ARHGAP8: variants seen among roughly 807,000 people sequenced by gnomAD.
ARHGAP8 encodes the protein rho GTPase-activating protein 8.
In ARHGAP8, 62 loss-of-function variants were observed where a neutral mutation model predicts 46.1. The ratio of observed to expected loss-of-function variants is 1.34; its 90% CI spans 1.10 to 1.66. The LOEUF (loss-of-function observed/expected upper bound fraction) is 1.66, where lower values mean the gene tolerates loss of function less well. Ranked by LOEUF, ARHGAP8 falls within the 40% of genes most tolerant of loss-of-function variation. The pLI is 0.00. For synonymous variants in ARHGAP8, 375 were observed against 243.1 expected, an observed-to-expected ratio of 1.54 and a Z score of -5.05; for missense variants, 923 against 568.4, an observed-to-expected ratio of 1.62 and a Z score of -6.34.
chr22:44,839,247 A>G (rs1931490442), intron 7 of ARHGAP8, among the ~76,000 whole-genome samples: 1 of 152,152 alleles, frequency 6.6e-6, no homozygotes, highest in Non-Finnish European at 1.5e-5. Flanking sequence ...GTATTCCTGC[A>G]ACAGCAGGAC....
intron 4 of ARHGAP8, among the ~76,000 whole-genome samples, chr22:44,813,640 TACACAC>T (rs960958417): frequency 6.6e-6 from 1 of 150,798 alleles, no homozygotes; most frequent in African/African-American, 2.4e-5. Context: ...TACACACACC[TACACAC>T]ACACCCACAC....
At chr22:44,858,300 CACATGTGCAT>C (rs974399942) in intron 10 of ARHGAP8, among the ~76,000 whole-genome samples, 1 of 151,078 alleles carries the variant, frequency 6.6e-6, no homozygotes, top group Non-Finnish European at 1.5e-5. Flanking sequence ...GCTGAGTGCA[CACATGTGCAT>C]ACATGTTCAC....
At chr22:44,782,911 G>A (rs554159656) in intron 1 of ARHGAP8, among the ~76,000 whole-genome samples, 24 of 152,264 alleles carry the variant, frequency 1.6e-4, no homozygotes, top group South Asian at 4.2e-4. Flanking sequence ...TCCACGGCAC[G>A]CTTTAGCACT....
At chr22:44,812,343 CTT>C (rs530097460) in intron 4 of ARHGAP8, among the ~76,000 whole-genome samples, 17 of 134,186 alleles carry the variant, frequency 1.3e-4, no homozygotes, top group Admixed American at 2.3e-4. Context: ...CTCTCAGAGC[CTT>C]TTTTTTTTTT....
intron 11 of ARHGAP8, 122 bp from the exon 12 acceptor site, chr22:44,862,153 C>T (rs897060986): frequency 1.6e-6 from 2 of 1,219,320 alleles, no homozygotes; most frequent in South Asian, 2.0e-5. Flanking sequence ...TTACTGGCTG[C>T]CGGCTCCCAG....
chr22:44,837,670 A>C (rs185295981), intron 7 of ARHGAP8, among the ~76,000 whole-genome samples: 22 of 152,254 alleles, frequency 1.4e-4, no homozygotes, highest in Admixed American at 5.9e-4. Context: ...AGTCCATTGA[A>C]CAAGCCTCTC....
Position 44,854,237 on chromosome 22 carries a change from C to CTT in ARHGAP8, c.877+5193_877+5194dup, listed in dbSNP as rs35201093. On this transcript the variant is annotated intron_variant, in intron 10 of 11. Coordinates refer to ENST00000356099, the MANE Select transcript of ARHGAP8 (RefSeq NM_181335.3). ...TCATTTCAAGGAATTCCCCTTGTAT[C>CTT]TTTTTTTTTTTTTTTTTGAGACGGA... Among the ~76,000 whole-genome samples the CTT allele has an allele frequency of 5.5e-3, 720 of 130,392 alleles. 9 individuals are homozygous for CTT. The highest frequency in any genetic ancestry group is 0.014 in the African/African-American group (492 of 35,560). 85.5% of individuals were successfully genotyped at this position (130,392 alleles called of 152,430 possible).
Position 44,808,302 on chromosome 22 carries a change from C to A in ARHGAP8, c.168-5C>A, listed in dbSNP as rs1929073997. The A allele has an allele frequency of 1.2e-6, 2 of 1,611,038 alleles. No homozygotes were observed. The highest frequency in any genetic ancestry group is 1.1e-5 in the South Asian group (1 of 90,686). ...TCATAACTGAATCTTCTGTGTTGTG[C>A]CCAGGTATTTGAAGTACACACTGGA... On this transcript the variant is annotated splice_polypyrimidine_tract_variant and splice_region_variant and intron_variant, in intron 3 of 11. Coordinates refer to ENST00000356099, the MANE Select transcript of ARHGAP8 (RefSeq NM_181335.3).
intron 1 of ARHGAP8, among the ~76,000 whole-genome samples, chr22:44,755,935 C>T (rs979268196): frequency 3.9e-5 from 6 of 152,100 alleles, no homozygotes; most frequent in South Asian, 2.1e-4. Context: ...ATGTCATTAC[C>T]GACTCATAGG....
chr22:44,779,843 C>T (rs1320127705), intron 1 of ARHGAP8, among the ~76,000 whole-genome samples: 1 of 152,174 alleles, frequency 6.6e-6, no homozygotes. Context: ...GCTAGGATTA[C>T]AGGCATGAGC....
At chr22:44,825,438 A>G in intron 6 of ARHGAP8, 45 bp from the exon 7 acceptor site, 1 of 1,577,740 alleles carries the variant, frequency 6.3e-7, no homozygotes. Context: ...CGTGGCTGCC[A>G]GCTGCCCCTG....
At chr22:44,852,002 C>A (rs1272334437) in intron 10 of ARHGAP8, among the ~76,000 whole-genome samples, 1 of 151,722 alleles carries the variant, frequency 6.6e-6, no homozygotes. Context: ...ATCAGCCTGG[C>A]CAACATGGTG....
chr22:44,829,012 C>G (rs986732494), intron 7 of ARHGAP8, among the ~76,000 whole-genome samples: 9 of 150,624 alleles, frequency 6.0e-5, no homozygotes, highest in South Asian at 2.1e-4. Flanking sequence ...GTGGCTCATG[C>G]CTGTAATCCC....
intron 10 of ARHGAP8, among the ~76,000 whole-genome samples, chr22:44,857,827 G>A (rs73892330): frequency 0.047 from 7,177 of 152,186 alleles, 244 homozygotes; most frequent in African/African-American, 0.09. Context: ...TCTACACTGG[G>A]GTGGTTGAAA....
At chr22:44,774,329 G>A (rs1434939497) in intron 1 of ARHGAP8, among the ~76,000 whole-genome samples, 1 of 152,166 alleles carries the variant, frequency 6.6e-6, no homozygotes, top group East Asian at 1.9e-4. Context: ...AGAAGGTAGT[G>A]AGTGTCCTAT....
intron 3 of ARHGAP8, among the ~76,000 whole-genome samples, chr22:44,803,535 C>T (rs1386826667): frequency 6.6e-6 from 1 of 151,466 alleles, no homozygotes; most frequent in Non-Finnish European, 1.5e-5. Flanking sequence ...CCCCCAAACA[C>T]ATCGTCCCTT....
intron 11 of ARHGAP8, among the ~76,000 whole-genome samples, 173 bp downstream of exon 11, chr22:44,860,007 A>C (rs151259072): frequency 2.6e-5 from 3 of 113,376 alleles, no homozygotes; most frequent in Admixed American, 1.1e-4. Flanking sequence ...TCAGGCACCC[A>C]TGCTGCTGCG....
intron 1 of ARHGAP8, among the ~76,000 whole-genome samples, chr22:44,776,315 G>C (rs1366140764): frequency 1.3e-5 from 2 of 152,156 alleles, no homozygotes; most frequent in African/African-American, 2.4e-5. Context: ...AGCCGAGCAT[G>C]GTGGCGGGTA....
Position 44,836,947 on chromosome 22 carries a change from C to T in ARHGAP8, c.597-8322C>T, listed in dbSNP as rs114449918. On this transcript the variant is annotated intron_variant, in intron 7 of 11. Transcript: ENST00000356099. Reference sequence around the variant, plus strand: ...AGGTTGGAGTGCAGTGGCACGATCTCGATCTCGTCTCAGTGCAACATCCAC... The same window carrying T: ...AGGTTGGAGTGCAGTGGCACGATCTTGATCTCGTCTCAGTGCAACATCCAC... Among the ~76,000 whole-genome samples the T allele has an allele frequency of 6.8e-3, 1,031 of 152,174 alleles. 10 individuals carry two copies. Among genetic ancestry groups the T allele is most frequent in the African/African-American group, 0.024 (982 of 41,516 alleles).
Sources: gnomAD v4.1 joint callset for allele counts (sites outside exome capture counted in the v4.1 genomes callset) on GRCh38, gnomAD v4.1.1 for gene constraint, MANE v1.5 for transcripts, NCBI Gene and HGNC (gene_info 2026-07-23, HGNC 2026-07-21) for gene names.